AMBRA1: variants seen among roughly 807,000 people sequenced by gnomAD.
AMBRA1 encodes the protein autophagy and beclin 1 regulator 1, also known as activating molecule in BECN1-regulated autophagy protein 1.
AMBRA1 carries 47 observed loss-of-function variants against 125.4 expected under a neutral mutation model. The ratio of observed to expected loss-of-function variants is 0.37; its 90% CI spans 0.30 to 0.48. AMBRA1 has a LOEUF of 0.48. Ranked by LOEUF, AMBRA1 falls within the 20% of genes least tolerant of loss-of-function variation. The probability of loss-of-function intolerance (pLI) is 0.99; values close to 1 mark genes in which losing one functional copy is unlikely to be tolerated. For missense variants in AMBRA1, 1,331 were observed against 1,693.4 expected, an observed-to-expected ratio of 0.79 and a Z score of 3.76; for synonymous variants, 626 against 655.5, an observed-to-expected ratio of 0.95 and a Z score of 0.69.
chr11:46,466,967 G>C (rs1320171464), intron 11 of AMBRA1, among the ~76,000 whole-genome samples: 1 of 146,958 alleles, frequency 6.8e-6, no homozygotes, highest in Non-Finnish European at 1.5e-5. Flanking sequence ...TGCCAGGCTG[G>C]AGTGCAGTGG....
At chr11:46,511,030 C>G (rs556759470) in intron 8 of AMBRA1, among the ~76,000 whole-genome samples, 8 of 152,106 alleles carry the variant, frequency 5.3e-5, no homozygotes, top group Non-Finnish European at 1.0e-4. Flanking sequence ...ACCAACACCA[C>G]GAAGTATGAC....
chr11:46,547,631 T>C (rs1488456406), intron 3 of AMBRA1, among the ~76,000 whole-genome samples, 186 bp downstream of exon 3: 2 of 152,126 alleles, frequency 1.3e-5, no homozygotes, highest in African/African-American at 2.4e-5. Flanking sequence ...TTCCTTTGCT[T>C]GTTCTCATGA....
intron 15 of AMBRA1, among the ~76,000 whole-genome samples, chr11:46,414,378 A>G (rs1311855784): frequency 6.6e-6 from 1 of 152,156 alleles, no homozygotes; most frequent in African/African-American, 2.4e-5. Flanking sequence ...ATACTTGACT[A>G]TAATTACCAT....
chr11:46,465,769 T>C (rs188223060), intron 11 of AMBRA1, among the ~76,000 whole-genome samples: 83 of 152,322 alleles, frequency 5.4e-4, no homozygotes, highest in South Asian at 4.1e-4. Context: ...CATGATAAAT[T>C]AGCACTTCTC....
chr11:46,475,806 G>A (rs1476254876), intron 11 of AMBRA1, among the ~76,000 whole-genome samples: 1 of 152,228 alleles, frequency 6.6e-6, no homozygotes, highest in African/African-American at 2.4e-5. Flanking sequence ...TAAGGTCTCA[G>A]ATTCGGAGAA....
chr11:46,510,723 T>A (rs1025519784), intron 8 of AMBRA1, among the ~76,000 whole-genome samples: 3 of 152,158 alleles, frequency 2.0e-5, no homozygotes, highest in Non-Finnish European at 4.4e-5. Flanking sequence ...TACAAGTATA[T>A]CCTAGCCTTG....
At chr11:46,534,976 C>T (rs1322581117) in intron 7 of AMBRA1, among the ~76,000 whole-genome samples, 1 of 152,236 alleles carries the variant, frequency 6.6e-6, no homozygotes, top group Non-Finnish European at 1.5e-5. Context: ...ACCCAGCCCT[C>T]AGTACCCTAT....
intron 13 of AMBRA1, 116 bp downstream of exon 13, chr11:46,434,733 T>A: frequency 9.2e-7 from 1 of 1,088,340 alleles, no homozygotes; most frequent in South Asian, 1.8e-5. Flanking sequence ...TGTGCCCCAG[T>A]GAAGGTAGGG....
At chr11:46,441,036 CACT>C (rs896260034) in intron 12 of AMBRA1, among the ~76,000 whole-genome samples, 31 of 152,280 alleles carry the variant, frequency 2.0e-4, no homozygotes, top group African/African-American at 7.2e-4. Context: ...CTGCCTGATT[CACT>C]ACTTTTTGCT....
At chr11:46,561,339 C>G (rs1011058455) in intron 1 of AMBRA1, among the ~76,000 whole-genome samples, 5 of 151,670 alleles carry the variant, frequency 3.3e-5, no homozygotes, top group African/African-American at 1.2e-4. Flanking sequence ...CGAGATCATG[C>G]CATTGCACTC....
rs1184480734 is a variant in AMBRA1, at chr11:46,520,142, A to G, written c.2073-7329T>C. On this transcript the variant is annotated intron_variant, in intron 7 of 17. Transcript: ENST00000683756. ...CAACAAGAGTGAAACTCCGCCTCGA[A>G]AAAAAAAAAAAAAAAATTACGAGGC... Among the ~76,000 whole-genome samples the G allele has an allele frequency of 4.4e-5, 4 of 91,600 alleles. 1 individual carries two copies. The highest frequency in any genetic ancestry group is 1.8e-4 in the African/African-American group (3 of 16,232). 60.1% of individuals were successfully genotyped at this position (91,600 alleles called of 152,430 possible).
At chr11:46,477,514 A>C (rs1006815012) in intron 11 of AMBRA1, among the ~76,000 whole-genome samples, 108 of 151,810 alleles carry the variant, frequency 7.1e-4, no homozygotes, top group Non-Finnish European at 1.3e-3. Context: ...AAAAAAAAAA[A>C]AACTTTTTGT....
At chr11:46,464,773 G>A (rs1006021724) in intron 11 of AMBRA1, among the ~76,000 whole-genome samples, 2 of 151,694 alleles carry the variant, frequency 1.3e-5, no homozygotes, top group African/African-American at 4.8e-5. Flanking sequence ...AAGGCCGGGC[G>A]CAGTGGCTCA....
At chr11:46,558,218 G>C (rs1310798782) in intron 1 of AMBRA1, among the ~76,000 whole-genome samples, 2 of 152,030 alleles carry the variant, frequency 1.3e-5, no homozygotes, top group Non-Finnish European at 2.9e-5. Flanking sequence ...CACCAATTTT[G>C]TGGTGGTTTT....
At chr11:46,443,870 G>A (rs943520269) in intron 11 of AMBRA1, among the ~76,000 whole-genome samples, 1 of 152,170 alleles carries the variant, frequency 6.6e-6, no homozygotes, top group African/African-American at 2.4e-5. Flanking sequence ...AACGTGGCAG[G>A]TACTGTACAT....
chr11:46,561,653 T>C (rs2043342557), intron 1 of AMBRA1, among the ~76,000 whole-genome samples: 1 of 152,190 alleles, frequency 6.6e-6, no homozygotes, highest in African/African-American at 2.4e-5. Flanking sequence ...TTTCCAATCT[T>C]ATAGTCAGCC....
At chr11:46,549,326 C>A (rs936941048) in intron 1 of AMBRA1, among the ~76,000 whole-genome samples, 10 of 152,104 alleles carry the variant, frequency 6.6e-5, no homozygotes, top group Admixed American at 3.9e-4. Context: ...TTCTTTAGCT[C>A]CACTATGAAT....
chr11:46,454,768 A>G (rs1402623862), intron 11 of AMBRA1, among the ~76,000 whole-genome samples: 11 of 151,968 alleles, frequency 7.2e-5, no homozygotes, highest in Admixed American at 6.6e-4. Context: ...TAAAAATAAA[A>G]AAAGAAAGAA....
At chr11:46,577,676 C>A (rs1436215234) in intron 1 of AMBRA1, among the ~76,000 whole-genome samples, 1 of 152,098 alleles carries the variant, frequency 6.6e-6, no homozygotes, top group Non-Finnish European at 1.5e-5. Flanking sequence ...TTCAGCCAGG[C>A]GCGGTGGCTC....
Sources: allele counts gnomAD v4.1 joint callset (sites outside exome capture counted in the v4.1 genomes callset), GRCh38; gene constraint gnomAD v4.1.1; transcripts MANE v1.5; gene names NCBI Gene and HGNC (gene_info 2026-07-23, HGNC 2026-07-21).